GPC5: variants seen among roughly 807,000 people sequenced by gnomAD.
GPC5 encodes the protein glypican-5.
GPC5 carries 47 observed loss-of-function variants against 53.9 expected under a neutral mutation model. The ratio of observed to expected loss-of-function variants is 0.87; its 90% CI spans 0.69 to 1.11. The LOEUF (loss-of-function observed/expected upper bound fraction) is 1.11, where lower values mean the gene tolerates loss of function less well. Among genes scored for constraint, GPC5 ranks in the 50% most tolerant of loss-of-function variants. The probability of loss-of-function intolerance (pLI) is 0.00; values close to 1 mark genes in which losing one functional copy is unlikely to be tolerated. For missense variants in GPC5, 748 were observed against 713.1 expected, an observed-to-expected ratio of 1.05 and a Z score of -0.56; for synonymous variants, 286 against 263.3, an observed-to-expected ratio of 1.09 and a Z score of -0.84.
chr13:91,837,826 T>A (rs897920660), intron 5 of GPC5, among the ~76,000 whole-genome samples: 7 of 152,202 alleles, frequency 4.6e-5, no homozygotes, highest in African/African-American at 1.7e-4. Flanking sequence ...AAAGTCTGAA[T>A]CTCAAGAGAG....
chr13:92,455,793 G>T (rs1273665175), intron 7 of GPC5, among the ~76,000 whole-genome samples: 1 of 152,136 alleles, frequency 6.6e-6, no homozygotes, highest in Non-Finnish European at 1.5e-5. Flanking sequence ...ATCTGTCATT[G>T]CCATGTCTCA....
At chr13:92,577,703 A>G (rs1449579284) in intron 7 of GPC5, among the ~76,000 whole-genome samples, 1 of 152,188 alleles carries the variant, frequency 6.6e-6, no homozygotes, top group African/African-American at 2.4e-5. Context: ...TTTAATTAAT[A>G]TCCTGCAAGT....
intron 7 of GPC5, among the ~76,000 whole-genome samples, chr13:92,676,199 G>A (rs1382849804): frequency 1.3e-5 from 2 of 152,068 alleles, no homozygotes; most frequent in East Asian, 3.9e-4. Context: ...GATGGTTGGT[G>A]AAAATTACCC....
At chr13:92,547,824 T>A (rs1882173377) in intron 7 of GPC5, among the ~76,000 whole-genome samples, 3 of 59,928 alleles carry the variant, frequency 5.0e-5, no homozygotes, top group Non-Finnish European at 1.3e-4. Context: ...TTATTCTTTT[T>A]TTTTTTTTTT....
At chr13:92,384,998 G>C (rs1220912073) in intron 7 of GPC5, among the ~76,000 whole-genome samples, 1 of 152,036 alleles carries the variant, frequency 6.6e-6, no homozygotes, top group Non-Finnish European at 1.5e-5. Flanking sequence ...AAGACGTAAT[G>C]ACTTGGTGAT....
chr13:91,476,751 G>C (rs1192650875), intron 2 of GPC5, among the ~76,000 whole-genome samples: 2 of 152,138 alleles, frequency 1.3e-5, no homozygotes, highest in East Asian at 3.9e-4. Flanking sequence ...AAGGGCAAAT[G>C]GTAATTAACC....
intron 6 of GPC5, among the ~76,000 whole-genome samples, chr13:91,929,500 C>G (rs142000944): frequency 2.4e-4 from 36 of 152,076 alleles, no homozygotes; most frequent in African/African-American, 8.4e-4. Flanking sequence ...TAATTTTCAA[C>G]GTAAACTTTT....
At chr13:92,471,408 A>G (rs2139422089) in intron 7 of GPC5, among the ~76,000 whole-genome samples, 1 of 152,168 alleles carries the variant, frequency 6.6e-6, no homozygotes, top group East Asian at 1.9e-4. Flanking sequence ...CTTTCTGCAC[A>G]CCAGGAAAGA....
At chr13:91,475,413 G>T (rs887600969) in intron 2 of GPC5, among the ~76,000 whole-genome samples, 1 of 152,190 alleles carries the variant, frequency 6.6e-6, no homozygotes, top group Admixed American at 6.5e-5. Flanking sequence ...AGCTTTCTTA[G>T]TGTGGAAAAA....
intron 7 of GPC5, among the ~76,000 whole-genome samples, chr13:92,700,603 T>C (rs754754691): frequency 1.3e-5 from 2 of 152,106 alleles, no homozygotes; most frequent in Non-Finnish European, 2.9e-5. Context: ...AATGTGTTTC[T>C]GCTTCTATTG....
At chr13:92,481,519 G>A (rs965170074) in intron 7 of GPC5, among the ~76,000 whole-genome samples, 3 of 152,242 alleles carry the variant, frequency 2.0e-5, no homozygotes, top group African/African-American at 7.2e-5. Context: ...TTGTCACTTT[G>A]TATCCGGAAA....
rs55867004 is a variant in GPC5, at chr13:92,161,956, CATATATATATATATATATAT to C, written c.1561+16988_1561+17007del. On this transcript the variant is annotated intron_variant, in intron 7 of 7. Coordinates refer to ENST00000377067, the MANE Select transcript of GPC5 (RefSeq NM_004466.6). ...ATTTGCCTATTAAGTAATATATAGC[CATATATATATATATATATAT>C]ATATATATATATATATATATGAAAC... is the stretch of plus-strand genomic sequence containing the variant. Among the ~76,000 whole-genome samples the C allele has an allele frequency of 1.3e-3, 125 of 96,034 alleles. 2 individuals are homozygous for C. Among genetic ancestry groups the C allele is most frequent in the Admixed American group, 9.1e-3 (82 of 9,004 alleles). 63.0% of individuals were successfully genotyped at this position (96,034 alleles called of 152,430 possible).
At chr13:92,335,074 G>C (rs552307224) in intron 7 of GPC5, among the ~76,000 whole-genome samples, 8 of 152,098 alleles carry the variant, frequency 5.3e-5, no homozygotes, top group Admixed American at 5.2e-4. Context: ...CTGTGGGTTG[G>C]GGGGGACTCC....
intron 7 of GPC5, among the ~76,000 whole-genome samples, chr13:92,649,720 A>T (rs1371777365): frequency 6.6e-6 from 1 of 152,108 alleles, no homozygotes; most frequent in African/African-American, 2.4e-5. Context: ...TGTAAAACAA[A>T]CTTGGTTCAT....
chr13:92,352,798 C>A (rs2043490099), intron 7 of GPC5, among the ~76,000 whole-genome samples: 1 of 152,090 alleles, frequency 6.6e-6, no homozygotes, highest in Admixed American at 6.5e-5. Context: ...ATTTTCTAAA[C>A]AATCAAAATT....
chr13:91,877,077 G>C (rs563326436), intron 5 of GPC5, among the ~76,000 whole-genome samples: 1 of 152,332 alleles, frequency 6.6e-6, no homozygotes, highest in Admixed American at 6.5e-5. Context: ...TGAGGTTTGG[G>C]GACCTCTGCC....
At chr13:92,388,937 T>C (rs1874867064) in intron 7 of GPC5, among the ~76,000 whole-genome samples, 1 of 152,114 alleles carries the variant, frequency 6.6e-6, no homozygotes, top group Non-Finnish European at 1.5e-5. Context: ...GTTTTTGTCT[T>C]GATCAACCAG....
At chr13:92,168,389 G>C (rs958765021) in intron 7 of GPC5, among the ~76,000 whole-genome samples, 2 of 152,156 alleles carry the variant, frequency 1.3e-5, no homozygotes, top group African/African-American at 4.8e-5. Context: ...ACTCTCATCA[G>C]AGTGAACAGG....
At chr13:91,460,042 A>G (rs1267053039) in intron 2 of GPC5, among the ~76,000 whole-genome samples, 2 of 152,188 alleles carry the variant, frequency 1.3e-5, no homozygotes, top group Non-Finnish European at 2.9e-5. Flanking sequence ...ATGAGTTTGT[A>G]TATGAGAAAT....
Sources: allele counts gnomAD v4.1 joint callset (sites outside exome capture counted in the v4.1 genomes callset), GRCh38; gene constraint gnomAD v4.1.1; transcripts MANE v1.5; gene names NCBI Gene and HGNC (gene_info 2026-07-23, HGNC 2026-07-21).